The following TTC29 variants were observed in gnomAD, a reference collection of about 807,000 sequenced individuals.
TTC29 encodes the protein tetratricopeptide repeat domain 29, also known as tetratricopeptide repeat protein 29.
In TTC29, 49 loss-of-function variants were observed where a neutral mutation model predicts 58.1. The observed-to-expected ratio is 0.84, with a 90% CI of 0.67 to 1.07. TTC29 has a LOEUF of 1.07. Among genes scored for constraint, TTC29 ranks in the 50% least tolerant of loss-of-function variants. The pLI, the probability that TTC29 is intolerant of heterozygous loss-of-function variation, is 0.00. For missense variants in TTC29, 582 were observed against 555.6 expected (o/e 1.05, Z -0.48); for synonymous variants, 209 against 196.8 (o/e 1.06, Z -0.52).
At chr4:146,890,783 A>G (rs756492827) in intron 6 of TTC29, among the ~76,000 whole-genome samples, 2 of 152,236 alleles carry the variant, frequency 1.3e-5, no homozygotes, top group Non-Finnish European at 2.9e-5. Flanking sequence ...TTGCTCCAGA[A>G]GCCAGAAAGT....
chr4:146,753,448 T>C (rs1746181608), intron 11 of TTC29, among the ~76,000 whole-genome samples: 1 of 152,200 alleles, frequency 6.6e-6, no homozygotes. Flanking sequence ...TTTTACACTG[T>C]TGGTGGGACT....
At chr4:146,708,409 A>AT (rs1561047417) in intron 11 of TTC29, among the ~76,000 whole-genome samples, 11 of 145,132 alleles carry the variant, frequency 7.6e-5, no homozygotes, top group African/African-American at 2.6e-4. Flanking sequence ...TATATATATA[A>AT]AAACTTCCCA....
At chr4:146,830,539 A>G (rs896142762) in intron 9 of TTC29, among the ~76,000 whole-genome samples, 5 of 152,230 alleles carry the variant, frequency 3.3e-5, no homozygotes, top group Non-Finnish European at 7.3e-5. Context: ...GATATAAAAT[A>G]TATTTATAGA....
intron 8 of TTC29, among the ~76,000 whole-genome samples, chr4:146,835,575 T>A (rs1351606106): frequency 6.6e-6 from 1 of 152,200 alleles, no homozygotes; most frequent in African/African-American, 2.4e-5. Context: ...TCTCAGGCAC[T>A]ATGTTAGACC....
chr4:146,915,779 TC>T (rs1374143546), intron 4 of TTC29, among the ~76,000 whole-genome samples: 1 of 151,930 alleles, frequency 6.6e-6, no homozygotes, highest in Non-Finnish European at 1.5e-5. Context: ...CATATTTTTT[TC>T]ATAGGATAAA....
rs117199738 is a variant in TTC29 at position 146,891,837 on chromosome 4, G to A, written c.586+11707C>T. On this transcript the variant is annotated intron_variant, in intron 6 of 12. Transcript: ENST00000325106. ...TTTGGGGAATGCTCACAGACATTTA[G>A]AAGATGTTTCTAGTTGTATGGAATT... 7.9e-5 allele frequency among the ~76,000 whole-genome samples: 12 copies of A among 152,292 alleles called. No individual in the cohort carries two copies. The East Asian group carries it at 2.3e-3, about 29-fold the overall frequency.
At chr4:146,855,753 A>C (rs928320218) in intron 8 of TTC29, among the ~76,000 whole-genome samples, 2 of 152,198 alleles carry the variant, frequency 1.3e-5, no homozygotes, top group Non-Finnish European at 2.9e-5. Flanking sequence ...GTTTTGGATA[A>C]GTTTTAATAT....
At chr4:146,817,850 T>A (rs140821264) in intron 10 of TTC29, among the ~76,000 whole-genome samples, 22,554 of 152,162 alleles carry the variant, frequency 0.15, 1,832 homozygotes, top group African/African-American at 0.23. Flanking sequence ...CCCTATTTAA[T>A]ACATGATGCT....
At chr4:146,717,184 C>T (rs1245967948) in intron 11 of TTC29, among the ~76,000 whole-genome samples, 1 of 152,070 alleles carries the variant, frequency 6.6e-6, no homozygotes, top group East Asian at 1.9e-4. Flanking sequence ...TCAGTTGCAA[C>T]ATTTAGATAA....
intron 10 of TTC29, among the ~76,000 whole-genome samples, chr4:146,813,512 A>G (rs775338895): frequency 2.0e-5 from 3 of 152,204 alleles, no homozygotes; most frequent in Non-Finnish European, 2.9e-5. Context: ...ATTACAGAAA[A>G]GGTAACTCCA....
intron 1 of TTC29, 23 bp from the exon 2 acceptor site, chr4:146,945,100 T>A (rs1482653466): frequency 6.6e-6 from 1 of 152,156 alleles, no homozygotes; most frequent in Admixed American, 6.5e-5. Context: ...AAGCAAAGAA[T>A]AATAGCAAAG....
rs764452630 is a variant in TTC29 at position 146,760,327 on chromosome 4, G to A, written c.1330+43130C>T. On this transcript the variant is annotated intron_variant, in intron 11 of 12. Coordinates refer to ENST00000325106, the MANE Select transcript of TTC29 (RefSeq NM_031956.4). ...GGAAACACATCCCATGCTCATGGAC[G>A]GGTAGAATCAATATTGTGAAAATGA... is the stretch of plus-strand genomic sequence containing the variant. Among the ~76,000 whole-genome samples, 58 of 151,934 alleles carry A rather than the reference G, an allele frequency of 3.8e-4. 1 individual carries two copies. Among genetic ancestry groups the A allele is most frequent in the Middle Eastern group, 3.4e-3 (1 of 292 alleles).
intron 11 of TTC29, among the ~76,000 whole-genome samples, chr4:146,750,996 T>C (rs896211242): frequency 6.6e-6 from 1 of 152,184 alleles, no homozygotes; most frequent in Non-Finnish European, 1.5e-5. Context: ...TAAAGACACA[T>C]GTAGGCTGAA....
At chr4:146,759,354 A>T (rs1471722339) in intron 11 of TTC29, among the ~76,000 whole-genome samples, 1 of 151,954 alleles carries the variant, frequency 6.6e-6, no homozygotes, top group Non-Finnish European at 1.5e-5. Flanking sequence ...AGCAAGAAAC[A>T]TTCAAAGAAG....
At chr4:146,886,412 A>G (rs1731986435) in intron 6 of TTC29, among the ~76,000 whole-genome samples, 1 of 152,112 alleles carries the variant, frequency 6.6e-6, no homozygotes, top group Non-Finnish European at 1.5e-5. Flanking sequence ...TCACGGATTT[A>G]GTTTTCTTAA....
chr4:146,932,172 G>A (rs1054416666), intron 4 of TTC29, among the ~76,000 whole-genome samples: 6 of 151,846 alleles, frequency 4.0e-5, no homozygotes, highest in Admixed American at 2.0e-4. Flanking sequence ...CTCTGTAATC[G>A]CTTATTTTTA....
At chr4:146,790,329 C>G (rs1579679522) in intron 11 of TTC29, among the ~76,000 whole-genome samples, 1 of 152,024 alleles carries the variant, frequency 6.6e-6, no homozygotes, top group Admixed American at 6.6e-5. Flanking sequence ...GCTGGGACTA[C>G]AGGCGCCCGC....
chr4:146,735,056 C>A (rs1304687675), intron 11 of TTC29, among the ~76,000 whole-genome samples: 2 of 152,044 alleles, frequency 1.3e-5, no homozygotes, highest in Non-Finnish European at 2.9e-5. Flanking sequence ...AATATTCAAT[C>A]CATTGGTTAT....
intron 6 of TTC29, among the ~76,000 whole-genome samples, chr4:146,893,711 C>T (rs1184933049): frequency 1.3e-5 from 2 of 152,160 alleles, no homozygotes; most frequent in African/African-American, 4.8e-5. Flanking sequence ...AGAGCTTCTG[C>T]ACAGCAAAAG....
Sources: allele counts gnomAD v4.1 joint callset (sites outside exome capture counted in the v4.1 genomes callset), GRCh38; gene constraint gnomAD v4.1.1; transcripts MANE v1.5; gene names NCBI Gene and HGNC (gene_info 2026-07-23, HGNC 2026-07-21).